PIK3CD: variants seen among roughly 807,000 people sequenced by gnomAD.
PIK3CD encodes phosphatidylinositol 4,5-bisphosphate 3-kinase catalytic subunit delta isoform.
In PIK3CD, 20 loss-of-function variants were observed where a neutral mutation model predicts 122.9. That is an observed-to-expected ratio of 0.16 (90% CI 0.11 to 0.24). The LOEUF (loss-of-function observed/expected upper bound fraction) is 0.24. Among genes scored for constraint, PIK3CD ranks in the 10% least tolerant of loss-of-function variants. PIK3CD has a pLI of 1.00. For missense variants in PIK3CD, 787 were observed against 1,406.3 expected (o/e 0.56, Z 7.04); for synonymous variants, 596 against 593.4 (o/e 1.00, Z -0.06).
chr1:9,701,215 G>A (rs983064014), intron 2 of PIK3CD, among the ~76,000 whole-genome samples: 3 of 151,686 alleles, frequency 2.0e-5, no homozygotes, highest in Admixed American at 1.3e-4. Flanking sequence ...CCTCCCCTCC[G>A]TGCCCACCAC....
In PIK3CD at chr1:9,727,551, C is replaced by T. The variant is rs1339435317; in HGVS notation, c.*505C>T. The T allele has an allele frequency of 4.1e-6, 1 of 242,262 alleles. No homozygotes were observed. Among genetic ancestry groups the T allele is most frequent in the Non-Finnish European group, 8.3e-6 (1 of 121,200 alleles). 15.0% of individuals were successfully genotyped at this position (242,262 alleles called of 1,614,324 possible). A position where few individuals can be genotyped will look rare whatever the true frequency, so the allele number is the denominator to read the frequency against. ...TCTAGATTCAGGGATGCTTGCTCTC[C>T]ACTTTTCAAGTGGGTCTTGGGTACG... On this transcript the variant is annotated 3_prime_UTR_variant, in exon 24 of 24. Coordinates refer to ENST00000377346, the MANE Select transcript of PIK3CD (RefSeq NM_005026.5).
the PIK3CD span, among the ~76,000 whole-genome samples, chr1:9,642,371 C>G: frequency 2.6e-5 from 4 of 151,658 alleles, no homozygotes; most frequent in Admixed American, 2.6e-4. Flanking sequence ...CCTCAGCCTC[C>G]CAAAGTGCTG....
At chr1:9,726,230 C>T (rs1046387446) in intron 23 of PIK3CD, among the ~76,000 whole-genome samples, 12 of 151,692 alleles carry the variant, frequency 7.9e-5, no homozygotes, top group Admixed American at 3.9e-4. Flanking sequence ...AAAAATTGGC[C>T]GGGCACGATG....
chr1:9,644,479 C>A, the PIK3CD span, among the ~76,000 whole-genome samples: 1 of 151,890 alleles, frequency 6.6e-6, no homozygotes, highest in Non-Finnish European at 1.5e-5. Context: ...GATCTCACCA[C>A]TGCATTCCAG....
At chr1:9,668,222 G>A (rs554509740) in intron 1 of PIK3CD, among the ~76,000 whole-genome samples, 2 of 152,140 alleles carry the variant, frequency 1.3e-5, no homozygotes, top group South Asian at 4.1e-4. Flanking sequence ...ATGAACTCTA[G>A]TGGTGGGCAG....
chr1:9,649,018 C>T (rs963558863), upstream of PIK3CD, among the ~76,000 whole-genome samples: 1 of 152,144 alleles, frequency 6.6e-6, no homozygotes, highest in Non-Finnish European at 1.5e-5. Flanking sequence ...ATGAGAGTCG[C>T]TTGAACCCGG....
In PIK3CD at chr1:9,726,891, G is replaced by A. The variant is rs554946921; in HGVS notation, c.2998-18G>A. 368 of 1,613,662 alleles carry A rather than the reference G, an allele frequency of 2.3e-4. 1 individual carries two copies. In the South Asian group the frequency reaches 3.2e-3, roughly 14 times the overall value. ...TCCGGGCCCCCTTAACGTGGACACC[G>A]CTGTGATTTGTTTGCAGGACTCCCT... is the stretch of plus-strand genomic sequence containing the variant. On this transcript the variant is annotated intron_variant, in intron 23 of 23. Transcript: ENST00000377346.
the PIK3CD span, among the ~76,000 whole-genome samples, chr1:9,646,061 C>A: frequency 2.0e-4 from 31 of 152,114 alleles, no homozygotes; most frequent in African/African-American, 7.2e-4. Flanking sequence ...CGGGAGCCAC[C>A]GCACCTGGCC....
upstream of PIK3CD, among the ~76,000 whole-genome samples, chr1:9,649,101 C>CAACA (rs57842154): frequency 0.2 from 29,753 of 149,614 alleles, 3,459 homozygotes; most frequent in African/African-American, 0.33. Flanking sequence ...GACCCTGTCT[C>CAACA]AACAAACAAA....
chr1:9,723,438 G>T lies in PIK3CD; in HGVS notation c.2594+146G>T. On this transcript the variant is annotated intron_variant, in intron 20 of 23. Transcript: ENST00000377346. This position sits in a 1 kb window ranked among gnomAD's most constrained non-coding sequence, Gnocchi z 4.9. Reference sequence around the variant, plus strand: ...CTCAGTTGAGGACCAGCCTGTGTCTGGGTTGGGGTGAGGTAGGTCTCTCTT... The same window carrying T: ...CTCAGTTGAGGACCAGCCTGTGTCTTGGTTGGGGTGAGGTAGGTCTCTCTT... 1 of 828,464 alleles carries T rather than the reference G, an allele frequency of 1.2e-6. No individual in the cohort carries two copies. The highest frequency in any genetic ancestry group is 2.1e-6 in the Non-Finnish European group (1 of 485,282). 51.3% of individuals were successfully genotyped at this position (828,464 alleles called of 1,614,324 possible).
In PIK3CD at chr1:9,700,587, C is replaced by T. The variant is rs1646588215; in HGVS notation, c.-33+9016C>T. On this transcript the variant is annotated intron_variant, in intron 2 of 23. Coordinates refer to ENST00000377346, the MANE Select transcript of PIK3CD (RefSeq NM_005026.5). This position sits in a 1 kb window ranked among gnomAD's most constrained non-coding sequence, Gnocchi z 5.1. Reference sequence around the variant, plus strand: ...GGTCACCGTCCATCACTGGGTGACGCGACCCCAGCTCCCCGCTCTGTGTCT... The same window carrying T: ...GGTCACCGTCCATCACTGGGTGACGTGACCCCAGCTCCCCGCTCTGTGTCT... Among the ~76,000 whole-genome samples the T allele has an allele frequency of 6.6e-6, 1 of 152,084 alleles. No individual in the cohort carries two copies. The highest frequency in any genetic ancestry group is 2.1e-4 in the South Asian group (1 of 4,824).
In PIK3CD at chr1:9,724,925, C is replaced by T. The variant is rs1457464907; in HGVS notation, c.2986C>T (p.Gln996Ter). The change falls in exon 23 of 24, where the codon CAG becomes TAG. Residue 996 changes from glutamine (Q) to a stop codon, truncating the protein, a stop_gained. Transcript: ENST00000377346. LOFTEE classifies it high-confidence loss of function. This position sits in a 1 kb window ranked among gnomAD's most constrained non-coding sequence, Gnocchi z 7.3. Reference sequence around the variant, plus strand: ...TGAGCTCAGCTGCTCCAAAGACATCCAGTATCTCAAGGTATGTGCCGGGCA... The same window carrying T: ...TGAGCTCAGCTGCTCCAAAGACATCTAGTATCTCAAGGTATGTGCCGGGCA... Reference protein sequence around the residue: ...LPELSCSKDIQYLKDSLALGK... With the variant: ...LPELSCSKDI The T allele has an allele frequency of 6.2e-7, 1 of 1,613,694 alleles. No individual in the cohort carries two copies. Among genetic ancestry groups the T allele is most frequent in the African/African-American group, 1.3e-5 (1 of 74,946 alleles).
At chr1:9,643,396 G>A in the PIK3CD span, among the ~76,000 whole-genome samples, 60,492 of 143,602 alleles carry the variant, frequency 0.42, 17,600 homozygotes, top group East Asian at 0.81. Flanking sequence ...TGACAGAGTG[G>A]GACTCCACCT....
At chr1:9,661,019 C>T (rs1570082051) in intron 1 of PIK3CD, 1 of 151,946 alleles carries the variant, frequency 6.6e-6, no homozygotes, top group African/African-American at 2.4e-5. Flanking sequence ...ACTGCAACCT[C>T]CGCCTCCCGG....
intron 2 of PIK3CD, among the ~76,000 whole-genome samples, chr1:9,695,208 G>A (rs564871111): frequency 6.6e-6 from 1 of 152,098 alleles, no homozygotes; most frequent in Non-Finnish European, 1.5e-5. Context: ...AGAACACAAA[G>A]ACTTAAGAGA....
the PIK3CD span, among the ~76,000 whole-genome samples, chr1:9,627,576 T>C: frequency 6.6e-6 from 1 of 152,250 alleles, no homozygotes; most frequent in African/African-American, 2.4e-5. Context: ...GTGATGATGA[T>C]GATGATAACA....
At position 9,706,978 on chromosome 1, in the gene PIK3CD, A is replaced by ATTT. The variant is rs373772007; in HGVS notation, c.-32-3433_-32-3431dup. 1.9e-3 allele frequency among the ~76,000 whole-genome samples: 270 copies of ATTT among 139,802 alleles called. 3 individuals are homozygous for ATTT. Among genetic ancestry groups the ATTT allele is most frequent in the African/African-American group, 6.6e-3 (248 of 37,618 alleles). 91.7% of individuals were successfully genotyped at this position (139,802 alleles called of 152,430 possible). A position where few individuals can be genotyped will look rare whatever the true frequency, so the allele number is the denominator to read the frequency against. On this transcript the variant is annotated intron_variant, in intron 2 of 23. Transcript: ENST00000377346. ...CTCCACCATGCTTGGCTAATTTTTA[A>ATTT]TTTTTTTTTTTTTTTGTAGAGATGG... is the stretch of plus-strand genomic sequence containing the variant.
chr1:9,713,681 C>A (rs946214742), intron 3 of PIK3CD, among the ~76,000 whole-genome samples: 1 of 152,020 alleles, frequency 6.6e-6, no homozygotes, highest in South Asian at 2.1e-4. Flanking sequence ...GCCTTGACAT[C>A]CTGGGCCCAA....
chr1:9,711,589 T>G (rs1250585363), intron 3 of PIK3CD, among the ~76,000 whole-genome samples: 4 of 152,152 alleles, frequency 2.6e-5, no homozygotes, highest in African/African-American at 9.7e-5. Context: ...CATTTTTTTT[T>G]TTGAGATGGG....
Sources: allele counts gnomAD v4.1 joint callset (sites outside exome capture counted in the v4.1 genomes callset), GRCh38; gene constraint gnomAD v4.1.1; non-coding constraint Gnocchi (gnomAD v3.1); transcripts MANE v1.5; gene names NCBI Gene and HGNC (gene_info 2026-07-23, HGNC 2026-07-21).